Variants in RFC3 observed in about 807,000 individuals in gnomAD.
The protein encoded by RFC3 is replication factor C subunit 3.
In RFC3, 41 loss-of-function variants were observed where a neutral mutation model predicts 45.1. That is an observed-to-expected ratio of 0.91 (90% CI 0.71 to 1.18). The LOEUF is 1.18. Among genes scored for constraint, RFC3 ranks in the 50% most tolerant of loss-of-function variants. The probability of loss-of-function intolerance (pLI) is 0.00; values close to 1 mark genes in which losing one functional copy is unlikely to be tolerated. For synonymous variants in RFC3, 149 were observed against 144.0 expected (o/e 1.03, Z -0.25); for missense variants, 423 against 428.1 (o/e 0.99, Z 0.10).
intron 8 of RFC3, among the ~76,000 whole-genome samples, chr13:33,896,826 T>G (rs1274465332): frequency 2.8e-5 from 4 of 142,256 alleles, no homozygotes; most frequent in African/African-American, 1.0e-4. Context: ...CAACAGGGAG[T>G]GAAACTGCAT....
chr13:33,829,988 G>A lies in RFC3; in HGVS notation c.544G>A (p.Val182Ile). 1 of 1,613,960 alleles carries A rather than the reference G, an allele frequency of 6.2e-7. No individual in the cohort carries two copies. The highest frequency in any genetic ancestry group is 8.5e-7 in the Non-Finnish European group (1 of 1,179,940). Residue 182 changes from valine (V) to isoleucine (I), a missense_variant, in exon 5 of 9, where the codon GTT (valine) becomes ATT (isoleucine). Transcript: ENST00000380071. ...IPPIRSRCLA[V>I]RVPAPSIEDI... ...ACCTATTCGTAGTAGGTGCTTGGCG[G>A]TTCGTGTGCCTGCTCCCAGCATTGA...
At chr13:33,952,691 G>A (rs1211191144) in intron 8 of RFC3, among the ~76,000 whole-genome samples, 1 of 152,170 alleles carries the variant, frequency 6.6e-6, no homozygotes, top group Non-Finnish European at 1.5e-5. Flanking sequence ...TTGAAAGGGA[G>A]ATGATGGCCC....
intron 8 of RFC3, among the ~76,000 whole-genome samples, chr13:33,864,331 C>A (rs2082360117): frequency 6.6e-6 from 1 of 151,878 alleles, no homozygotes; most frequent in East Asian, 2.0e-4. Flanking sequence ...AATTATCCAA[C>A]CATATCATTT....
At chr13:33,938,623 T>C (rs2082903575) in intron 8 of RFC3, among the ~76,000 whole-genome samples, 1 of 152,208 alleles carries the variant, frequency 6.6e-6, no homozygotes, top group Non-Finnish European at 1.5e-5. Flanking sequence ...ATTTGTGATT[T>C]CTTCATTCTC....
chr13:33,849,949 CT>C (rs2082265914), intron 8 of RFC3: 1 of 152,160 alleles, frequency 6.6e-6, no homozygotes, highest in Non-Finnish European at 1.5e-5. Context: ...CAACAATCAA[CT>C]GTCTCCTGGG....
At chr13:33,965,508 C>CA (rs1311346665) in intron 8 of RFC3, among the ~76,000 whole-genome samples, 1 of 152,130 alleles carries the variant, frequency 6.6e-6, no homozygotes, top group Non-Finnish European at 1.5e-5. Flanking sequence ...CACACAAGGA[C>CA]AAAATCCCCT....
intron 8 of RFC3, among the ~76,000 whole-genome samples, chr13:33,888,466 A>G (rs192819022): frequency 6.8e-6 from 1 of 147,754 alleles, no homozygotes; most frequent in East Asian, 2.0e-4. Context: ...TTGCAGTTAA[A>G]TATCTATGAC....
At chr13:33,891,882 G>T (rs946276038) in intron 8 of RFC3, among the ~76,000 whole-genome samples, 1 of 152,054 alleles carries the variant, frequency 6.6e-6, no homozygotes, top group Non-Finnish European at 1.5e-5. Context: ...AAGAATAGTT[G>T]TGAAAACTTT....
intron 8 of RFC3, among the ~76,000 whole-genome samples, chr13:33,957,863 G>T (rs2083031620): frequency 6.6e-6 from 1 of 152,140 alleles, no homozygotes. Flanking sequence ...CAGCTGGTCT[G>T]CCTGCTTCTC....
chr13:33,866,135 T>G (rs1482747563), intron 8 of RFC3, among the ~76,000 whole-genome samples: 1 of 152,198 alleles, frequency 6.6e-6, no homozygotes, highest in Non-Finnish European at 1.5e-5. Context: ...GGTTGGCTAA[T>G]CAAGTGTGGT....
chr13:33,928,991 A>G (rs1043381876), intron 8 of RFC3, among the ~76,000 whole-genome samples: 8 of 152,070 alleles, frequency 5.3e-5, no homozygotes, highest in African/African-American at 1.7e-4. Context: ...TTCAAAATCT[A>G]TTTGGCCTTT....
At chr13:33,878,472 G>A (rs1411916883) in intron 8 of RFC3, among the ~76,000 whole-genome samples, 2 of 152,144 alleles carry the variant, frequency 1.3e-5, no homozygotes, top group Non-Finnish European at 2.9e-5. Flanking sequence ...GGTGGAAGAG[G>A]GAACGATTCA....
chr13:33,957,496 G>T (rs562050184), intron 8 of RFC3, among the ~76,000 whole-genome samples: 1 of 152,110 alleles, frequency 6.6e-6, no homozygotes, highest in African/African-American at 2.4e-5. Context: ...GCCCTGTTCC[G>T]TACCACTTAT....
At chr13:33,818,612 G>A (rs1400403080) in intron 1 of RFC3, among the ~76,000 whole-genome samples, 4 of 152,258 alleles carry the variant, frequency 2.6e-5, no homozygotes, top group Admixed American at 6.5e-5. Flanking sequence ...GGCCGGCGTA[G>A]CCGATAGTGG....
intron 8 of RFC3, among the ~76,000 whole-genome samples, chr13:33,929,429 T>A (rs980946598): frequency 6.6e-6 from 1 of 152,136 alleles, no homozygotes; most frequent in Non-Finnish European, 1.5e-5. Context: ...TAATTAACAC[T>A]AAATTTAATG....
chr13:33,818,901 T>G lies in RFC3; in HGVS notation c.87+636T>G, dbSNP rs904268085. On this transcript the variant is annotated intron_variant, in intron 1 of 8. Transcript: ENST00000380071. ...GATTAGTTTTTTTTTTTTTTTTTTT[T>G]TTTTTTGAGACGGAGTTTAGCTGTT... 8.8e-4 allele frequency among the ~76,000 whole-genome samples: 130 copies of G among 148,052 alleles called. 2 individuals are homozygous for G. The highest frequency in any genetic ancestry group is 3.4e-3 in the Middle Eastern group (1 of 292).
At chr13:33,819,563 T>G (rs914037501) in intron 1 of RFC3, among the ~76,000 whole-genome samples, 8 of 151,444 alleles carry the variant, frequency 5.3e-5, no homozygotes, top group East Asian at 1.9e-4. Context: ...ACATTGAAGG[T>G]TTTTTTTTGG....
At chr13:33,945,619 TACAG>T (rs2082949768) in intron 8 of RFC3, among the ~76,000 whole-genome samples, 1 of 152,156 alleles carries the variant, frequency 6.6e-6, no homozygotes, top group East Asian at 1.9e-4. Context: ...GATATTAAAA[TACAG>T]ACCCACAGAC....
At chr13:33,834,298 G>GTGTATATATATATATATATA (rs1302839326) in intron 7 of RFC3, among the ~76,000 whole-genome samples, 6 of 109,202 alleles carry the variant, frequency 5.5e-5, no homozygotes, top group Admixed American at 2.1e-4. Context: ...TGTACTGTGT[G>GTGTATATATATATATATATA]TATATATATA....
Sources: allele counts gnomAD v4.1 joint callset (sites outside exome capture counted in the v4.1 genomes callset), GRCh38; gene constraint gnomAD v4.1.1; transcripts MANE v1.5; gene names NCBI Gene and HGNC (gene_info 2026-07-23, HGNC 2026-07-21).